GRM8: variants seen among roughly 807,000 people sequenced by gnomAD.
The protein encoded by GRM8 is glutamate metabotropic receptor 8.
Under a neutral mutation model 87.2 loss-of-function variants are expected in GRM8, and 47 were observed. The observed-to-expected ratio is 0.54, with a 90% CI of 0.43 to 0.69. GRM8 has a LOEUF of 0.69. Among genes scored for constraint, GRM8 ranks in the 30% least tolerant of loss-of-function variants. The pLI, the probability that GRM8 is intolerant of heterozygous loss-of-function variation, is 0.00. For missense variants in GRM8, 1,019 were observed against 1,139.2 expected, an observed-to-expected ratio of 0.89 and a Z score of 1.52; for synonymous variants, 396 against 404.5, an observed-to-expected ratio of 0.98 and a Z score of 0.25.
intron 3 of GRM8, among the ~76,000 whole-genome samples, chr7:127,003,579 G>A (rs1283275922): frequency 1.3e-5 from 2 of 151,720 alleles, no homozygotes; most frequent in African/African-American, 4.8e-5. Flanking sequence ...ACTCTCTGGA[G>A]CACTCCATAT....
intron 3 of GRM8, among the ~76,000 whole-genome samples, chr7:127,030,058 G>A (rs888780775): frequency 6.6e-6 from 1 of 152,038 alleles, no homozygotes; most frequent in African/African-American, 2.4e-5. Context: ...AATCTGCCCA[G>A]GTGAGGAGTG....
chr7:126,801,565 A>G (rs1822702067), intron 6 of GRM8, among the ~76,000 whole-genome samples: 1 of 67,874 alleles, frequency 1.5e-5, no homozygotes, highest in African/African-American at 3.3e-5. Flanking sequence ...GCTGGTATTT[A>G]ATAGCTTATT....
intron 6 of GRM8, among the ~76,000 whole-genome samples, chr7:126,888,204 T>G (rs1377861917): frequency 6.6e-6 from 1 of 152,096 alleles, no homozygotes. Context: ...GCCCATTCTG[T>G]GCCCTCAGCC....
intron 3 of GRM8, among the ~76,000 whole-genome samples, chr7:127,085,698 G>T (rs1232341637): frequency 6.6e-6 from 1 of 152,146 alleles, no homozygotes; most frequent in Non-Finnish European, 1.5e-5. Context: ...GTAGATTCTG[G>T]ATATTAGCCC....
intron 3 of GRM8, among the ~76,000 whole-genome samples, chr7:126,977,371 T>G (rs1428521838): frequency 1.3e-5 from 2 of 152,226 alleles, no homozygotes; most frequent in African/African-American, 4.8e-5. Context: ...TACCTGAATA[T>G]TCAGTTTGTT....
At chr7:127,133,700 C>A (rs1222553442) in intron 2 of GRM8, among the ~76,000 whole-genome samples, 1 of 102,528 alleles carries the variant, frequency 9.8e-6, no homozygotes, top group East Asian at 2.4e-4. Flanking sequence ...AGCAAGACTC[C>A]CTCTCCAAAA....
chr7:126,849,695 C>A (rs868848754), intron 6 of GRM8, among the ~76,000 whole-genome samples: 1 of 152,046 alleles, frequency 6.6e-6, no homozygotes, highest in Admixed American at 6.6e-5. Context: ...ATCTTGCATC[C>A]CCATTCTTTA....
At chr7:126,476,112 C>T (rs188150048) in intron 9 of GRM8, among the ~76,000 whole-genome samples, 422 of 152,126 alleles carry the variant, frequency 2.8e-3, no homozygotes, top group Non-Finnish European at 4.9e-3. Flanking sequence ...AACGGGACTA[C>T]ATCAAATTAA....
intron 3 of GRM8, among the ~76,000 whole-genome samples, chr7:126,931,372 C>T (rs1230979474): frequency 1.3e-5 from 2 of 152,128 alleles, no homozygotes; most frequent in African/African-American, 4.8e-5. Context: ...TTAATCCTTA[C>T]CTGAGGCATG....
At chr7:127,007,324 G>A (rs990291748) in intron 3 of GRM8, among the ~76,000 whole-genome samples, 1 of 151,918 alleles carries the variant, frequency 6.6e-6, no homozygotes, top group Non-Finnish European at 1.5e-5. Context: ...ATGACTGTAG[G>A]AGAGATTTTT....
rs117673747 is a variant in GRM8 at position 126,619,851 on chromosome 7, C to G, written c.1358-10353G>C. 2.0e-3 allele frequency among the ~76,000 whole-genome samples: 303 copies of G among 152,134 alleles called. 3 individuals are homozygous for G. The highest frequency in any genetic ancestry group is 8.5e-3 in the South Asian group (41 of 4,814). On this transcript the variant is annotated intron_variant, in intron 7 of 10. Transcript: ENST00000339582. ...GATCACAGGCCTGTGCCACCATGCC[C>G]AGCTAATTTTTGTAATTTTTGGTAG...
chr7:126,950,969 A>C (rs988732083), intron 3 of GRM8, among the ~76,000 whole-genome samples: 1 of 151,922 alleles, frequency 6.6e-6, no homozygotes, highest in Non-Finnish European at 1.5e-5. Context: ...AATAATATTA[A>C]ACTTCCTTAG....
intron 6 of GRM8, among the ~76,000 whole-genome samples, chr7:126,814,124 C>T (rs966324134): frequency 8.6e-5 from 13 of 151,982 alleles, no homozygotes; most frequent in Admixed American, 7.9e-4. Context: ...CATTTATGGA[C>T]ACCACCTACA....
intron 7 of GRM8, among the ~76,000 whole-genome samples, chr7:126,751,024 T>A (rs1308434632): frequency 1.4e-5 from 2 of 140,524 alleles, no homozygotes; most frequent in Non-Finnish European, 3.2e-5. Flanking sequence ...GAAATAAGGA[T>A]AAAAATTATC....
intron 9 of GRM8, among the ~76,000 whole-genome samples, chr7:126,472,477 G>A (rs117205463): frequency 0.028 from 4,330 of 152,194 alleles, 92 homozygotes; most frequent in Middle Eastern, 0.044. Context: ...TGACTTGGGT[G>A]CCCTTAAAAG....
intron 2 of GRM8, among the ~76,000 whole-genome samples, chr7:127,195,068 C>T (rs1795214327): frequency 1.3e-5 from 2 of 152,158 alleles, no homozygotes; most frequent in Admixed American, 1.3e-4. Flanking sequence ...GGTCCTTGCC[C>T]ATTTCTCTTT....
intron 6 of GRM8, among the ~76,000 whole-genome samples, chr7:126,779,210 GATC>G (rs1225459694): frequency 6.6e-6 from 1 of 151,922 alleles, no homozygotes; most frequent in Non-Finnish European, 1.5e-5. Flanking sequence ...TTGAGATAAG[GATC>G]ATAAGTTTTT....
intron 6 of GRM8, among the ~76,000 whole-genome samples, chr7:126,895,502 T>C (rs954909697): frequency 6.6e-6 from 1 of 152,136 alleles, no homozygotes; most frequent in African/African-American, 2.4e-5. Context: ...AAGTGGTTTG[T>C]GTGCATGCTA....
At chr7:127,097,395 GAA>G (rs926295871) in intron 3 of GRM8, among the ~76,000 whole-genome samples, 1 of 152,156 alleles carries the variant, frequency 6.6e-6, no homozygotes, top group Non-Finnish European at 1.5e-5. Flanking sequence ...TTGAGAACTG[GAA>G]AAGAGAGGGG....
Sources: allele counts gnomAD v4.1 joint callset (sites outside exome capture counted in the v4.1 genomes callset), GRCh38; gene constraint gnomAD v4.1.1; transcripts MANE v1.5; gene names NCBI Gene and HGNC (gene_info 2026-07-23, HGNC 2026-07-21).